SORT1: variants seen among roughly 807,000 people sequenced by gnomAD.
SORT1 encodes the protein sortilin.
SORT1 carries 39 observed loss-of-function variants against 101.7 expected under a neutral mutation model. The ratio of observed to expected loss-of-function variants is 0.38; its 90% confidence interval spans 0.30 to 0.50. The LOEUF (loss-of-function observed/expected upper bound fraction) is 0.50, where lower values mean the gene tolerates loss of function less well. SORT1 is among the 20% of genes least tolerant of loss of function. The probability of loss-of-function intolerance (pLI) is 0.90; values close to 1 mark genes in which losing one functional copy is unlikely to be tolerated. For synonymous variants in SORT1, 396 were observed against 393.7 expected (o/e 1.01, Z -0.07); for missense variants, 878 against 1,040.4 (o/e 0.84, Z 2.15).
At chr1:109,336,177 C>T in intron 11 of SORT1, 63 bp downstream of exon 11, 1 of 998,270 alleles carries the variant, frequency 1.0e-6, no homozygotes, top group Non-Finnish European at 1.6e-6. Context: ...ATCCAAAAGG[C>T]TGGCACTGAT....
intron 1 of SORT1, among the ~76,000 whole-genome samples, chr1:109,389,496 TG>T (rs1652777587): frequency 6.6e-6 from 1 of 152,218 alleles, no homozygotes; most frequent in Admixed American, 6.5e-5. Context: ...TCCCAGCTCT[TG>T]GCCAGTAAGC....
At chr1:109,358,582 G>A (rs1344033113) in intron 3 of SORT1, among the ~76,000 whole-genome samples, 7 of 152,138 alleles carry the variant, frequency 4.6e-5, no homozygotes, top group Non-Finnish European at 8.8e-5. Flanking sequence ...TTGGCCGGGC[G>A]TGGTGGCTCA....
chr1:109,329,099 C>A (rs1264863078), intron 11 of SORT1, among the ~76,000 whole-genome samples: 1 of 152,170 alleles, frequency 6.6e-6, no homozygotes, highest in Non-Finnish European at 1.5e-5. Flanking sequence ...CAGTTGCCCC[C>A]CCAAGAATCT....
intron 12 of SORT1, 31 bp downstream of exon 12, chr1:109,327,468 A>C: frequency 7.4e-7 from 1 of 1,351,346 alleles, no homozygotes; most frequent in Non-Finnish European, 1.0e-6. Context: ...CCACTGTTCC[A>C]GTTGGAGGTG....
chr1:109,338,445 T>C (rs561281796), intron 10 of SORT1, among the ~76,000 whole-genome samples: 4 of 152,268 alleles, frequency 2.6e-5, no homozygotes, highest in African/African-American at 7.2e-5. Flanking sequence ...AATAAATATA[T>C]AAATAAAATG....
rs549495474 is a variant in SORT1, at chr1:109,393,082, C to T, written c.306+4505G>A. On this transcript the variant is annotated intron_variant, in intron 1 of 19. Transcript: ENST00000256637. ...GCGATTCACAACAACAGGCCGAGGT[C>T]TTCAGCGGCAGCTCCCTGAAGCCTC... The T allele has an allele frequency of 1.5e-5, 15 of 985,402 alleles. No homozygotes were observed. In the East Asian group the frequency reaches 1.5e-3, roughly 97 times the overall value. The allele number at this position is 985,402 out of a possible 1,614,324, so 61.0% of individuals were successfully genotyped here.
chr1:109,310,340 A>G lies in SORT1; in HGVS notation c.*3703T>C, dbSNP rs1040243492. ...ACCAAGAAATCAACATGCTCCTGCT[A>G]TTTCAATGATGCTTCATGAGGGCAA... On this transcript the variant is annotated 3_prime_UTR_variant, in exon 20 of 20. Coordinates refer to ENST00000256637, the MANE Select transcript of SORT1 (RefSeq NM_002959.7). The G allele has an allele frequency of 1.1e-4, 17 of 153,794 alleles. No homozygotes were observed. The highest frequency in any genetic ancestry group is 4.1e-4 in the African/African-American group (17 of 41,432). 9.5% of individuals were successfully genotyped at this position (153,794 alleles called of 1,614,324 possible). A position where few individuals can be genotyped will look rare whatever the true frequency, so the allele number is the denominator to read the frequency against.
chr1:109,320,336 G>T (rs1255026304), intron 15 of SORT1, among the ~76,000 whole-genome samples: 1 of 152,062 alleles, frequency 6.6e-6, no homozygotes, highest in Non-Finnish European at 1.5e-5. Context: ...TCTCCTTTGT[G>T]CCAGGCTCTC....
intron 1 of SORT1, among the ~76,000 whole-genome samples, chr1:109,381,824 A>G (rs1257818273): frequency 6.6e-6 from 1 of 152,204 alleles, no homozygotes; most frequent in Non-Finnish European, 1.5e-5. Flanking sequence ...TGATTGTGCC[A>G]CTGCACTCTA....
At chr1:109,335,792 A>G (rs1454342634) in intron 11 of SORT1, among the ~76,000 whole-genome samples, 8 of 152,120 alleles carry the variant, frequency 5.3e-5, no homozygotes, top group Non-Finnish European at 1.5e-5. Flanking sequence ...TAAGCAGGTC[A>G]CCACCCACTG....
chr1:109,344,064 T>C (rs1227189095), intron 8 of SORT1, among the ~76,000 whole-genome samples: 1 of 152,166 alleles, frequency 6.6e-6, no homozygotes, highest in Non-Finnish European at 1.5e-5. Context: ...AAGGTACCCT[T>C]GATTCCACTC....
rs1648816259 is a variant in SORT1 at position 109,336,250 on chromosome 1, T to C, written c.1361A>G (p.Asn454Ser). 6.2e-7 allele frequency: 1 copy of C among 1,608,984 alleles called. No homozygotes were observed. The highest frequency in any genetic ancestry group is 8.5e-7 in the Non-Finnish European group (1 of 1,175,214). ...ENSECDATAK[N>S]KNECSLHIHA... ...TTAGAGTAAACAAACCTCATTCTTG[T>C]TTTTTGCTGTAGCATCACATTCACT... The change falls in exon 11 of 20, where the codon AAC becomes AGC. Residue 454 changes from asparagine to serine, a missense_variant. Asn to Ser is a conservative substitution (Grantham distance 46). Transcript: ENST00000256637.
At position 109,355,656 on chromosome 1, in the gene SORT1, C is replaced by CA. The variant is rs1553196406; in HGVS notation, c.441-188dup. ...AGAACATTCCACCCGCCCCCCCCCC[C>CA]ACAAACCCACTCACCAGTGATGGGG... On this transcript the variant is annotated intron_variant, in intron 3 of 19. Transcript: ENST00000256637. Among the ~76,000 whole-genome samples the CA allele has an allele frequency of 7.1e-4, 92 of 129,416 alleles. 1 individual carries two copies. Among genetic ancestry groups the CA allele is most frequent in the Non-Finnish European group, 9.8e-4 (60 of 61,070 alleles). 84.9% of individuals were successfully genotyped at this position (129,416 alleles called of 152,430 possible).
At chr1:109,348,197 T>C (rs998060919) in intron 6 of SORT1, among the ~76,000 whole-genome samples, 5 of 152,208 alleles carry the variant, frequency 3.3e-5, no homozygotes, top group East Asian at 3.9e-4. Flanking sequence ...GGTTGAATTA[T>C]TTAAAATGTA....
At chr1:109,320,862 A>G (rs1258358264) in intron 15 of SORT1, among the ~76,000 whole-genome samples, 1 of 152,198 alleles carries the variant, frequency 6.6e-6, no homozygotes, top group African/African-American at 2.4e-5. Flanking sequence ...GATGCTGAAG[A>G]TATCACCCCT....
Position 109,365,199 on chromosome 1 carries a change from G to C in SORT1, c.440+2209C>G, listed in dbSNP as rs934707618. 4.6e-5 allele frequency among the ~76,000 whole-genome samples: 7 copies of C among 152,210 alleles called. No individual in the cohort carries two copies. The East Asian group carries it at 7.7e-4, about 17-fold the overall frequency. On this transcript the variant is annotated intron_variant, in intron 3 of 19. Transcript: ENST00000256637. ...TATACTGCTTTTATAATGAAACACA[G>C]GTTGGTAAGAAAAACTATCATGAGG...
chr1:109,318,752 A>G (rs997231954), intron 15 of SORT1, among the ~76,000 whole-genome samples: 1 of 152,066 alleles, frequency 6.6e-6, no homozygotes, highest in African/African-American at 2.4e-5. Context: ...ATCTGGGCTC[A>G]AGTGATCTTT....
At chr1:109,340,985 A>G (rs1649183794) in intron 9 of SORT1, 106 bp from the exon 10 acceptor site, 6 of 833,432 alleles carry the variant, frequency 7.2e-6, no homozygotes, top group South Asian at 3.6e-5. Flanking sequence ...ACAGTAGCCA[A>G]TTGTGTCTCT....
At chr1:109,320,916 TCA>T (rs138311035) in intron 15 of SORT1, among the ~76,000 whole-genome samples, 3,356 of 152,206 alleles carry the variant, frequency 0.022, 60 homozygotes, top group Admixed American at 0.039. Context: ...AGGTATTCAA[TCA>T]GAAATTTCTG....
Sources: allele counts gnomAD v4.1 joint callset (sites outside exome capture counted in the v4.1 genomes callset), GRCh38; gene constraint gnomAD v4.1.1; transcripts MANE v1.5; gene names NCBI Gene and HGNC (gene_info 2026-07-23, HGNC 2026-07-21).